The following GNPTAB variants were observed in gnomAD, a reference collection of about 807,000 sequenced individuals.
The protein encoded by GNPTAB is N-acetylglucosamine-1-phosphotransferase subunits alpha/beta.
In GNPTAB, 92 loss-of-function variants were observed where a neutral mutation model predicts 136.6. The ratio of observed to expected loss-of-function variants is 0.67; its 90% confidence interval spans 0.57 to 0.80. The LOEUF (loss-of-function observed/expected upper bound fraction) is 0.80, where lower values mean the gene tolerates loss of function less well. Ranked by LOEUF, GNPTAB falls within the 30% of genes least tolerant of loss-of-function variation. The probability of loss-of-function intolerance (pLI) is 0.00; values close to 1 mark genes in which losing one functional copy is unlikely to be tolerated. For missense variants in GNPTAB, 1,343 were observed against 1,501.8 expected, an observed-to-expected ratio of 0.89 and a Z score of 1.75; for synonymous variants, 512 against 535.1, an observed-to-expected ratio of 0.96 and a Z score of 0.60.
At position 101,758,012 on chromosome 12, in the gene GNPTAB, G is replaced by A. The variant is rs745983719; in HGVS notation, c.3250-355C>T. 1.1e-3 allele frequency among the ~76,000 whole-genome samples: 166 copies of A among 151,050 alleles called. 2 individuals carry two copies. The highest frequency in any genetic ancestry group is 1.3e-3 in the Non-Finnish European group (86 of 67,872). On this transcript the variant is annotated intron_variant, in intron 16 of 20. Transcript: ENST00000299314. ...TGTGTGAGGCGTCTGGTGAATTCCC[G>A]ACCCACAAATAGTCTCATAGTCTCA... is the stretch of plus-strand genomic sequence containing the variant.
At chr12:101,821,709 A>G (rs1024442144) in intron 1 of GNPTAB, among the ~76,000 whole-genome samples, 3 of 152,188 alleles carry the variant, frequency 2.0e-5, no homozygotes, top group Admixed American at 1.3e-4. Context: ...GCCCAAGAAA[A>G]GGGCTCAACA....
intron 5 of GNPTAB, among the ~76,000 whole-genome samples, chr12:101,782,712 T>C (rs1339649373): frequency 2.0e-5 from 3 of 152,376 alleles, no homozygotes; most frequent in African/African-American, 7.2e-5. Flanking sequence ...GTCCTTGTTA[T>C]GGTTACTAGG....
chr12:101,787,783 C>CAT (rs1225899474), intron 4 of GNPTAB, among the ~76,000 whole-genome samples: 2 of 151,960 alleles, frequency 1.3e-5, no homozygotes, highest in East Asian at 3.9e-4. Flanking sequence ...CGTGGTGGTG[C>CAT]ATGCCTATAA....
At chr12:101,798,315 T>C (rs1265334008) in intron 1 of GNPTAB, among the ~76,000 whole-genome samples, 2 of 152,204 alleles carry the variant, frequency 1.3e-5, no homozygotes, top group Non-Finnish European at 2.9e-5. Context: ...TTCCTTCTAC[T>C]CTACATGCCC....
chr12:101,786,477 T>C (rs759175909), intron 4 of GNPTAB, among the ~76,000 whole-genome samples: 1 of 152,214 alleles, frequency 6.6e-6, no homozygotes, highest in Non-Finnish European at 1.5e-5. Context: ...AATTCCAAAA[T>C]GCACATGAAA....
Position 101,764,560 on chromosome 12 carries a change from T to C in GNPTAB, c.2357A>G (p.Gln786Arg). ...PNSLGVSERLQRLTFPAVSVK... is the reference protein window; with the variant it reads ...PNSLGVSERLRRLTFPAVSVK... Reference sequence around the variant, plus strand: ...ACTCACTGCAGGAAAAGTCAACCTCTGCAATCTTTCAGACACTCCTAAGCT... The same window carrying C: ...ACTCACTGCAGGAAAAGTCAACCTCCGCAATCTTTCAGACACTCCTAAGCT... Residue 786 changes from glutamine to arginine, a missense_variant, in exon 13 of 21, where the codon CAG becomes CGG. Gln to Arg is a conservative substitution (Grantham distance 43). Transcript: ENST00000299314. 6.2e-7 allele frequency: 1 copy of C among 1,613,564 alleles called. No homozygotes were observed. The highest frequency in any genetic ancestry group is 8.5e-7 in the Non-Finnish European group (1 of 1,179,888).
At chr12:101,796,068 A>G (rs4764654) in intron 2 of GNPTAB, 332,595 of 582,034 alleles carry the variant, frequency 0.57, 99,609 homozygotes, top group East Asian at 0.92. Context: ...GTATGAGGCT[A>G]TTTGCTCCTC....
rs143280976 is a variant in GNPTAB at position 101,764,088 on chromosome 12, T to C, written c.2715+114A>G. The C allele has an allele frequency of 4.7e-4, 634 of 1,345,154 alleles. 5 individuals are homozygous for C. In the African/African-American group the frequency reaches 6.7e-3, roughly 14 times the overall value. The allele number at this position is 1,345,154 out of a possible 1,614,324, so 83.3% of individuals were successfully genotyped here. ...AATGAAACCATGTAAGAAAAGCATT[T>C]AGTTCCATGGCCGGCACAGGGAAGT... On this transcript the variant is annotated intron_variant, in intron 13 of 20. Transcript: ENST00000299314.
intron 7 of GNPTAB, among the ~76,000 whole-genome samples, chr12:101,778,109 A>C (rs1209120701): frequency 6.6e-6 from 1 of 152,170 alleles, no homozygotes; most frequent in Non-Finnish European, 1.5e-5. Flanking sequence ...CTTATACCAC[A>C]CATGCCACCC....
intron 1 of GNPTAB, among the ~76,000 whole-genome samples, chr12:101,813,809 G>T (rs935071029): frequency 4.6e-5 from 7 of 152,094 alleles, no homozygotes; most frequent in Non-Finnish European, 7.4e-5. Flanking sequence ...GGCCGGGCAT[G>T]GTGGCTCACG....
intron 1 of GNPTAB, among the ~76,000 whole-genome samples, chr12:101,801,925 A>G: frequency 6.6e-6 from 1 of 151,942 alleles, no homozygotes; most frequent in South Asian, 2.1e-4. Flanking sequence ...ATGGTGGCGC[A>G]CACCTGGAGT....
rs1647805822 is a variant in GNPTAB at position 101,768,148 on chromosome 12, A to G, written c.1297T>C (p.Trp433Arg). The change falls in exon 11 of 21, where the codon TGG becomes CGG. Residue 433 changes from tryptophan (W) to arginine (R), a missense_variant. Physicochemically the swap from Trp to Arg is moderately radical, Grantham distance 101 (BLOSUM62 -3). Transcript: ENST00000299314. ...HSKGQKVYLT[W>R]PVPNCAEGCP... The stretch of plus-strand genomic sequence containing the variant: ...CCCTCGGCACAGTTTGGCACAGGCC[A>G]TGTCAAATAAACCTACGATAAAACC... The G allele has an allele frequency of 2.5e-6, 4 of 1,614,202 alleles. No individual in the cohort carries two copies. The highest frequency in any genetic ancestry group is 3.4e-6 in the Non-Finnish European group (4 of 1,179,998).
chr12:101,789,789 T>C (rs556705310), intron 3 of GNPTAB, 149 bp downstream of exon 3: 44 of 853,340 alleles, frequency 5.2e-5, no homozygotes, highest in Middle Eastern at 5.2e-4. Flanking sequence ...TGGCCTGTTT[T>C]GTTTTTTAAA....
In GNPTAB at chr12:101,748,125, G is replaced by A. The variant is rs576800702; in HGVS notation, c.3694-884C>T. Among the ~76,000 whole-genome samples, 11 of 152,268 alleles carry A rather than the reference G, an allele frequency of 7.2e-5. No individual in the cohort carries two copies. The East Asian group carries it at 1.7e-3, about 24-fold the overall frequency. ...TTTTCATAAGACTTTTACCTGCCAG[G>A]AACAATGGTAACAGACATCAAGAAC... On this transcript the variant is annotated intron_variant, in intron 20 of 20. Coordinates refer to ENST00000299314, the MANE Select transcript of GNPTAB (RefSeq NM_024312.5).
At chr12:101,761,903 A>C in intron 13 of GNPTAB, 140 bp from the exon 14 acceptor site, 1 of 708,148 alleles carries the variant, frequency 1.4e-6, no homozygotes, top group Middle Eastern at 3.8e-4. Flanking sequence ...TTAACGGGTC[A>C]CTTTAAGGAT....
At chr12:101,817,093 A>G (rs1870545797) in intron 1 of GNPTAB, among the ~76,000 whole-genome samples, 1 of 151,928 alleles carries the variant, frequency 6.6e-6, no homozygotes, top group African/African-American at 2.4e-5. Flanking sequence ...TAGGTACAAA[A>G]ATAGTTAGAT....
In GNPTAB at chr12:101,780,167, G is replaced by A. The variant is rs1953320381; in HGVS notation, c.756C>T (p.Ser252=). The A allele has an allele frequency of 6.2e-7, 1 of 1,613,640 alleles. No individual in the cohort carries two copies. Among genetic ancestry groups the A allele is most frequent in the Non-Finnish European group, 8.5e-7 (1 of 1,179,582 alleles). ...QLKTKLPENL[S]SKVKLLQLYS... is the part of the protein sequence containing the mutation. ...ATGTTCTTACCAGTTTGACTTTAGAGGAAAGATTTTCTGGCAATTTTGTTT... is the reference window on the plus strand; with the variant it reads ...ATGTTCTTACCAGTTTGACTTTAGAAGAAAGATTTTCTGGCAATTTTGTTT... The change falls in exon 7 of 21, where the codon TCC becomes TCT. Residue 252 remains serine (S), a synonymous_variant. Transcript: ENST00000299314.
At chr12:101,821,860 C>T (rs549461765) in intron 1 of GNPTAB, among the ~76,000 whole-genome samples, 6 of 152,150 alleles carry the variant, frequency 3.9e-5, no homozygotes, top group African/African-American at 1.4e-4. Context: ...AATCAGCCCA[C>T]CCTCCCCTAG....
chr12:101,820,379 T>C (rs1870731468), intron 1 of GNPTAB, among the ~76,000 whole-genome samples: 1 of 152,244 alleles, frequency 6.6e-6, no homozygotes, highest in African/African-American at 2.4e-5. Flanking sequence ...CTCTTGAATC[T>C]GTCCATTTCT....
Sources: gnomAD v4.1 joint callset for allele counts (sites outside exome capture counted in the v4.1 genomes callset) on GRCh38, gnomAD v4.1.1 for gene constraint, MANE v1.5 for transcripts, NCBI Gene and HGNC (gene_info 2026-07-23, HGNC 2026-07-21) for gene names.